CEP63: variants seen among roughly 807,000 people sequenced by gnomAD.
The protein encoded by CEP63 is centrosomal protein of 63 kDa.
A neutral mutation model predicts 89.1 loss-of-function variants in CEP63; 84 were observed. That is an observed-to-expected ratio of 0.94 (90% confidence interval 0.79 to 1.13). The LOEUF (loss-of-function observed/expected upper bound fraction) is 1.13. Ranked by LOEUF, CEP63 falls within the 50% of genes most tolerant of loss-of-function variation. The probability of loss-of-function intolerance (pLI) is 0.00; values close to 1 mark genes in which losing one functional copy is unlikely to be tolerated. For synonymous variants in CEP63, 267 were observed against 272.5 expected, an observed-to-expected ratio of 0.98 and a Z score of 0.20; for missense variants, 838 against 813.3, an observed-to-expected ratio of 1.03 and a Z score of -0.37.
the CEP63 span, among the ~76,000 whole-genome samples, chr3:134,765,967 T>G: frequency 6.6e-6 from 1 of 152,240 alleles, no homozygotes; most frequent in Non-Finnish European, 1.5e-5. Context: ...CGTTGTTTCT[T>G]CATTGAAGAC....
the CEP63 span, among the ~76,000 whole-genome samples, chr3:134,764,228 G>A: frequency 6.6e-6 from 1 of 152,094 alleles, no homozygotes; most frequent in Non-Finnish European, 1.5e-5. Flanking sequence ...GGATTTTGGG[G>A]ACCAGCTCCC....
At chr3:134,492,380 A>G (rs191344933) in intron 1 of CEP63, among the ~76,000 whole-genome samples, 23 of 152,152 alleles carry the variant, frequency 1.5e-4, no homozygotes, top group Non-Finnish European at 2.4e-4. Context: ...TGGTTAGGAA[A>G]AGAATCAGTG....
the CEP63 span, among the ~76,000 whole-genome samples, chr3:134,668,886 A>T: frequency 3.3e-5 from 5 of 152,124 alleles, no homozygotes; most frequent in African/African-American, 1.2e-4. Flanking sequence ...CTTCACTCCC[A>T]ACCCCAACCC....
At chr3:134,496,437 G>T (rs999375542) in intron 2 of CEP63, among the ~76,000 whole-genome samples, 1 of 149,542 alleles carries the variant, frequency 6.7e-6, no homozygotes, top group African/African-American at 2.5e-5. Context: ...AAAAAGGGGG[G>T]GGGGGCTAAA....
the CEP63 span, among the ~76,000 whole-genome samples, chr3:134,751,696 G>A: frequency 1 from 152,280 of 152,314 alleles, 76,123 homozygotes; most frequent in Non-Finnish European, 1. Context: ...ATGTTTATCT[G>A]CAACCACAGG....
the CEP63 span, chr3:134,610,617 G>A: frequency 2.3e-5 from 11 of 478,068 alleles, no homozygotes; most frequent in East Asian, 3.5e-5. Context: ...TGCAGTCTCC[G>A]CTGTCTGCTC....
At position 134,486,214 on chromosome 3, in the gene CEP63, A is replaced by T; in HGVS notation, c.-26+12A>T. The T allele has an allele frequency of 1.0e-6, 1 of 985,318 alleles. No homozygotes were observed. The highest frequency in any genetic ancestry group is 4.7e-5 in the South Asian group (1 of 21,292). The allele number at this position is 985,318 out of a possible 1,614,324, so 61.0% of individuals were successfully genotyped here. A position where few individuals can be genotyped will look rare whatever the true frequency, so the allele number is the denominator to read the frequency against. Reference sequence around the variant, plus strand: ...AGCGCCGGCCCGAGGTAACGGCGGGAAGGCTCAGGGGCGTGCTTGCGGCAA... The same window carrying T: ...AGCGCCGGCCCGAGGTAACGGCGGGTAGGCTCAGGGGCGTGCTTGCGGCAA... On this transcript the variant is annotated intron_variant, in intron 1 of 14. Coordinates refer to ENST00000675561, the MANE Select transcript of CEP63 (RefSeq NM_001353108.3).
At chr3:134,639,285 C>T in the CEP63 span, among the ~76,000 whole-genome samples, 5 of 152,136 alleles carry the variant, frequency 3.3e-5, no homozygotes, top group Non-Finnish European at 4.4e-5. Flanking sequence ...CTCTGTAGAA[C>T]ATGATGGAAC....
At chr3:134,752,668 A>G in the CEP63 span, among the ~76,000 whole-genome samples, 1 of 152,218 alleles carries the variant, frequency 6.6e-6, no homozygotes, top group Non-Finnish European at 1.5e-5. Context: ...CCTGACACCG[A>G]GTGGGCAAAG....
the CEP63 span, among the ~76,000 whole-genome samples, chr3:134,598,605 C>A: frequency 6.6e-6 from 1 of 152,140 alleles, no homozygotes; most frequent in Non-Finnish European, 1.5e-5. Context: ...TCATGAGGAC[C>A]TGGTTTGTAG....
the CEP63 span, among the ~76,000 whole-genome samples, chr3:134,623,871 C>G: frequency 6.6e-6 from 1 of 152,150 alleles, no homozygotes; most frequent in Non-Finnish European, 1.5e-5. Context: ...TGGCCTTGCC[C>G]CAGCCCCTTT....
chr3:134,532,235 T>G (rs1233097397), intron 4 of CEP63, among the ~76,000 whole-genome samples: 1 of 152,198 alleles, frequency 6.6e-6, no homozygotes, highest in Non-Finnish European at 1.5e-5. Flanking sequence ...AAAATTACAT[T>G]TAATATTTTA....
At chr3:134,678,345 C>T in the CEP63 span, among the ~76,000 whole-genome samples, 1 of 152,154 alleles carries the variant, frequency 6.6e-6, no homozygotes, top group Non-Finnish European at 1.5e-5. Flanking sequence ...CCCACCCAGG[C>T]CAGGTCATGT....
At chr3:134,615,349 CTTTTTTTTTTT>C in the CEP63 span, 2 of 96,156 alleles carry the variant, frequency 2.1e-5, no homozygotes, top group African/African-American at 4.0e-5. Context: ...GTTCAAGAAG[CTTTTTTTTTTT>C]TTTTTTTTTT....
chr3:134,574,425 A>G lies in CEP63; in HGVS notation c.1330-368A>G, dbSNP rs116249559. Among the ~76,000 whole-genome samples the G allele has an allele frequency of 7.6e-3, 1,152 of 152,334 alleles. 17 individuals are homozygous for G. The highest frequency in any genetic ancestry group is 0.026 in the African/African-American group (1,096 of 41,580). Reference sequence around the variant, plus strand: ...CACTACAAACAAGGCCAAAACTATTATCTAGTGATGTGTCAGACAATTATG... The same window carrying G: ...CACTACAAACAAGGCCAAAACTATTGTCTAGTGATGTGTCAGACAATTATG... On this transcript the variant is annotated intron_variant, in intron 11 of 11. Coordinates refer to the CEP63 transcript ENST00000354446.
chr3:134,568,244 G>T (rs1156631215), downstream of CEP63, among the ~76,000 whole-genome samples: 2 of 152,154 alleles, frequency 1.3e-5, no homozygotes, highest in Non-Finnish European at 2.9e-5. Flanking sequence ...TCTTGGATTT[G>T]TCTTGCCATT....
the CEP63 span, among the ~76,000 whole-genome samples, chr3:134,638,082 C>T: frequency 2.6e-5 from 4 of 152,350 alleles, no homozygotes; most frequent in Admixed American, 6.5e-5. Context: ...GCCACTTTCT[C>T]GTCCTCCCTG....
At chr3:134,633,215 C>T in the CEP63 span, among the ~76,000 whole-genome samples, 9 of 151,954 alleles carry the variant, frequency 5.9e-5, no homozygotes, top group African/African-American at 9.7e-5. Context: ...TAGGATCTTT[C>T]GTAAAACAGA....
At chr3:134,753,018 AGGCACGAAGTG>A in the CEP63 span, among the ~76,000 whole-genome samples, 1 of 152,182 alleles carries the variant, frequency 6.6e-6, no homozygotes, top group Non-Finnish European at 1.5e-5. Context: ...TGGGGAGTTC[AGGCACGAAGTG>A]GGCACGAAGG....
Sources: allele counts gnomAD v4.1 joint callset (sites outside exome capture counted in the v4.1 genomes callset), GRCh38; gene constraint gnomAD v4.1.1; transcripts MANE v1.5; gene names NCBI Gene and HGNC (gene_info 2026-07-23, HGNC 2026-07-21).